Variants in IGF1R observed in about 807,000 individuals in gnomAD.
IGF1R encodes the protein insulin-like growth factor 1 receptor.
IGF1R carries 44 observed loss-of-function variants against 144.6 expected under a neutral mutation model. The observed-to-expected ratio is 0.30, with a 90% CI of 0.24 to 0.39. The LOEUF is 0.39. Among genes scored for constraint, IGF1R ranks in the 10% least tolerant of loss-of-function variants. The pLI, the probability that IGF1R is intolerant of heterozygous loss-of-function variation, is 1.00. For synonymous variants in IGF1R, 795 were observed against 722.8 expected, an observed-to-expected ratio of 1.10 and a Z score of -1.60; for missense variants, 1,355 against 1,833.7, an observed-to-expected ratio of 0.74 and a Z score of 4.77.
chr15:98,682,193 TC>T lies in IGF1R; in HGVS notation c.95-25367del, dbSNP rs575637480. On this transcript the variant is annotated intron_variant, in intron 1 of 20. Transcript: ENST00000650285. ...TTGTTGGAAATGATTTTGAGTAACT[TC>T]CGTCTCCTAAATCATATTAGGACTC... Among the ~76,000 whole-genome samples the T allele has an allele frequency of 7.9e-5, 12 of 152,278 alleles. No homozygotes were observed. The East Asian group carries it at 2.3e-3, about 29-fold the overall frequency.
chr15:98,739,474 T>C (rs2054687795), intron 2 of IGF1R, among the ~76,000 whole-genome samples: 1 of 152,184 alleles, frequency 6.6e-6, no homozygotes. Context: ...GTTATGTCTT[T>C]TGATACCAAA....
At chr15:98,825,031 T>A (rs1287259138) in intron 2 of IGF1R, among the ~76,000 whole-genome samples, 1 of 152,136 alleles carries the variant, frequency 6.6e-6, no homozygotes, top group Non-Finnish European at 1.5e-5. Flanking sequence ...GAATCGGAGT[T>A]TCACCATGTT....
chr15:98,934,702 C>G, intron 15 of IGF1R, 122 bp from the exon 16 acceptor site: 1 of 821,730 alleles, frequency 1.2e-6, no homozygotes, highest in Non-Finnish European at 2.1e-6. Flanking sequence ...CCATCGCCTC[C>G]TGGTATTCTC....
At chr15:98,865,467 A>T (rs570968439) in intron 2 of IGF1R, among the ~76,000 whole-genome samples, 2 of 152,132 alleles carry the variant, frequency 1.3e-5, no homozygotes, top group Non-Finnish European at 2.9e-5. Flanking sequence ...CTCGGCGTGC[A>T]TAGCGGCCAC....
chr15:98,741,516 C>T (rs2054744478), intron 2 of IGF1R, among the ~76,000 whole-genome samples: 1 of 152,104 alleles, frequency 6.6e-6, no homozygotes, highest in African/African-American at 2.4e-5. Context: ...AAATAGCATC[C>T]TCTTAGCAAA....
chr15:98,952,942 G>A (rs1486354234), intron 20 of IGF1R: 3 of 152,170 alleles, frequency 2.0e-5, no homozygotes, highest in African/African-American at 7.2e-5. Flanking sequence ...GGTTTCATAG[G>A]GAGTGTCATG....
rs7180334 is a variant in IGF1R, at chr15:98,824,799, T to C, written c.641-66526T>C. ...CAGTCACTCTCCTAAGACTTGATCA[T>C]CTATTACGCTGTTTCGTTCTTTATT... is the stretch of plus-strand genomic sequence containing the variant. On this transcript the variant is annotated intron_variant, in intron 2 of 20. Coordinates refer to ENST00000650285, the MANE Select transcript of IGF1R (RefSeq NM_000875.5). Among the ~76,000 whole-genome samples the C allele has an allele frequency of 9.2e-3, 1,403 of 152,294 alleles. 20 individuals carry two copies. Among genetic ancestry groups the C allele is most frequent in the African/African-American group, 0.032 (1,328 of 41,556 alleles).
intron 2 of IGF1R, among the ~76,000 whole-genome samples, chr15:98,802,986 T>TG (rs2056392675): frequency 6.6e-6 from 1 of 152,148 alleles, no homozygotes; most frequent in Non-Finnish European, 1.5e-5. Flanking sequence ...TGAAACACAG[T>TG]GAAAAAATGG....
chr15:98,709,141 G>A (rs1320705265), intron 2 of IGF1R, among the ~76,000 whole-genome samples: 1 of 152,192 alleles, frequency 6.6e-6, no homozygotes, highest in Non-Finnish European at 1.5e-5. Context: ...CCCAGTTAAA[G>A]ATGTAAGGAA....
intron 18 of IGF1R, among the ~76,000 whole-genome samples, chr15:98,939,809 C>T (rs914550937): frequency 3.3e-5 from 5 of 152,228 alleles, no homozygotes; most frequent in African/African-American, 1.2e-4. Flanking sequence ...GCCCTAATGA[C>T]GAAGCCTCTG....
chr15:98,790,139 G>A (rs758584608), intron 2 of IGF1R, among the ~76,000 whole-genome samples: 106 of 152,176 alleles, frequency 7.0e-4, no homozygotes, highest in Non-Finnish European at 1.1e-3. Flanking sequence ...GACAATGGAG[G>A]AGATGGGCTT....
At chr15:98,945,154 C>T (rs989062887) in intron 19 of IGF1R, among the ~76,000 whole-genome samples, 1 of 152,260 alleles carries the variant, frequency 6.6e-6, no homozygotes, top group Non-Finnish European at 1.5e-5. Context: ...GAGCTGCACC[C>T]CACAGCCTAG....
intron 2 of IGF1R, among the ~76,000 whole-genome samples, chr15:98,775,535 C>T (rs1163790787): frequency 6.6e-6 from 1 of 152,166 alleles, no homozygotes; most frequent in East Asian, 1.9e-4. Context: ...CTGCCACCAC[C>T]ACAGCTATGC....
intron 2 of IGF1R, among the ~76,000 whole-genome samples, chr15:98,824,466 G>T (rs534616673): frequency 6.8e-4 from 104 of 152,212 alleles, no homozygotes; most frequent in African/African-American, 2.4e-3. Context: ...ACTCGTTTAG[G>T]TAAGGTACTC....
chr15:98,812,252 T>C (rs1028422663), intron 2 of IGF1R, among the ~76,000 whole-genome samples: 3 of 152,166 alleles, frequency 2.0e-5, no homozygotes, highest in Admixed American at 2.0e-4. Context: ...GACAGCTGAG[T>C]CAATGACTGG....
At chr15:98,651,481 G>C (rs1346471886) in intron 1 of IGF1R, among the ~76,000 whole-genome samples, 4 of 152,178 alleles carry the variant, frequency 2.6e-5, no homozygotes, top group African/African-American at 7.2e-5. Context: ...AGATAAGTAC[G>C]GTTTAGAAGA....
In IGF1R at chr15:98,694,538, T is replaced by TG. The variant is rs36101544; in HGVS notation, c.95-13017dup. Among the ~76,000 whole-genome samples the TG allele has an allele frequency of 1.6e-4, 24 of 150,570 alleles. No homozygotes were observed. The South Asian group carries it at 3.1e-3, about 20-fold the overall frequency. On this transcript the variant is annotated intron_variant, in intron 1 of 20. Coordinates refer to ENST00000650285, the MANE Select transcript of IGF1R (RefSeq NM_000875.5). ...CAGCGCTCCTGGGCCAGACTCAGGG[T>TG]GGGGGGGATGCAGGTGCCAGTGACT...
At chr15:98,850,147 A>G (rs76587868) in intron 2 of IGF1R, among the ~76,000 whole-genome samples, 3,402 of 152,330 alleles carry the variant, frequency 0.022, 133 homozygotes, top group African/African-American at 0.077. Context: ...CTGAGGGAAT[A>G]AGTAAGTTAG....
chr15:98,920,863 G>A (rs2015454456), intron 10 of IGF1R, among the ~76,000 whole-genome samples: 1 of 152,188 alleles, frequency 6.6e-6, no homozygotes, highest in Non-Finnish European at 1.5e-5. Context: ...GAGCCTCAGA[G>A]GCCCTTTCCC....
Sources: gnomAD v4.1 joint callset for allele counts (sites outside exome capture counted in the v4.1 genomes callset) on GRCh38, gnomAD v4.1.1 for gene constraint, MANE v1.5 for transcripts, NCBI Gene and HGNC (gene_info 2026-07-23, HGNC 2026-07-21) for gene names.